APP: variants seen among roughly 807,000 people sequenced by gnomAD.
APP encodes the protein amyloid-beta precursor protein.
APP carries 31 observed loss-of-function variants against 101.4 expected under a neutral mutation model. The observed-to-expected ratio is 0.31, with a 90% CI of 0.23 to 0.41. APP has a LOEUF of 0.41. Ranked by LOEUF, APP falls within the 10% of genes least tolerant of loss-of-function variation. The pLI is 1.00. For synonymous variants in APP, 366 were observed against 364.4 expected, an observed-to-expected ratio of 1.00 and a Z score of -0.05; for missense variants, 839 against 1,003.7, an observed-to-expected ratio of 0.84 and a Z score of 2.22.
At chr21:26,125,627 G>C (rs2062666614) in intron 1 of APP, among the ~76,000 whole-genome samples, 1 of 151,828 alleles carries the variant, frequency 6.6e-6, no homozygotes, top group South Asian at 2.1e-4. Context: ...AAGGTCAACA[G>C]GCATTATTAG....
chr21:25,897,778 A>G, intron 15 of APP, 105 bp from the exon 16 acceptor site: 2 of 904,840 alleles, frequency 2.2e-6, no homozygotes, highest in Non-Finnish European at 3.6e-6. Context: ...CTAGGCCTGA[A>G]GTTAGAAGAA....
chr21:26,135,895 T>G (rs1332731408), intron 1 of APP, among the ~76,000 whole-genome samples: 1 of 151,652 alleles, frequency 6.6e-6, no homozygotes, highest in Non-Finnish European at 1.5e-5. Flanking sequence ...GCACGCTGGG[T>G]GGCCGAGGCA....
intron 10 of APP, 124 bp from the exon 11 acceptor site, chr21:25,975,352 G>T: frequency 1.6e-6 from 2 of 1,251,228 alleles, no homozygotes; most frequent in Non-Finnish European, 2.3e-6. Context: ...CCTAAAGACT[G>T]CATAGTCATT....
chr21:26,103,739 C>G (rs1201395733), intron 2 of APP, among the ~76,000 whole-genome samples: 1 of 152,244 alleles, frequency 6.6e-6, no homozygotes, highest in Non-Finnish European at 1.5e-5. Context: ...GCTCCAATCT[C>G]TGTGCCAGAA....
intron 9 of APP, among the ~76,000 whole-genome samples, chr21:25,980,781 AAG>A (rs1009374221): frequency 1.3e-5 from 2 of 152,204 alleles, no homozygotes; most frequent in Non-Finnish European, 2.9e-5. Flanking sequence ...AGGTGAGGCC[AAG>A]AGGTCAGGAG....
At chr21:26,105,068 CAAAA>C (rs10579923) in intron 2 of APP, among the ~76,000 whole-genome samples, 132 of 110,494 alleles carry the variant, frequency 1.2e-3, no homozygotes, top group East Asian at 2.5e-3. Context: ...GCATTTTTTT[CAAAA>C]AAAAAAAAAA....
At chr21:26,050,096 A>T (rs779762525) in intron 5 of APP, among the ~76,000 whole-genome samples, 1 of 152,180 alleles carries the variant, frequency 6.6e-6, no homozygotes, top group Non-Finnish European at 1.5e-5. Flanking sequence ...TAGCTGATAT[A>T]GACAATAAAC....
intron 5 of APP, among the ~76,000 whole-genome samples, chr21:26,031,543 C>T (rs1166651978): frequency 6.6e-6 from 1 of 152,076 alleles, no homozygotes; most frequent in Non-Finnish European, 1.5e-5. Flanking sequence ...AAAGGCATTT[C>T]TTACATGGTG....
At chr21:26,136,202 A>AAAAAAAGAAAGAAAG (rs2062912057) in intron 1 of APP, among the ~76,000 whole-genome samples, 1 of 100,604 alleles carries the variant, frequency 9.9e-6, no homozygotes, top group Non-Finnish European at 2.0e-5. Flanking sequence ...AGAAAGAAAG[A>AAAAAAAGAAAGAAAG]AAAGAAAAGA....
intron 13 of APP, among the ~76,000 whole-genome samples, chr21:25,933,352 C>G (rs921197945): frequency 3.9e-5 from 6 of 152,186 alleles, no homozygotes; most frequent in Non-Finnish European, 7.3e-5. Flanking sequence ...ATTTTCCCAC[C>G]TCGGCCTTCC....
rs554015576 is a variant in APP, at chr21:25,940,210, C to A, written c.1687+14380G>T. Among the ~76,000 whole-genome samples the A allele has an allele frequency of 1.2e-4, 19 of 152,218 alleles. No individual in the cohort carries two copies. The East Asian group carries it at 3.7e-3, about 29-fold the overall frequency. On this transcript the variant is annotated intron_variant, in intron 13 of 17. Coordinates refer to ENST00000346798, the MANE Select transcript of APP (RefSeq NM_000484.4). ...AGGGGAAACTGAGTCTGTTGCACAT[C>A]ATTTACCCTTTAACATGATTTTAAA...
chr21:25,954,449 G>T, intron 13 of APP, 141 bp downstream of exon 13: 1 of 765,340 alleles, frequency 1.3e-6, no homozygotes, highest in Non-Finnish European at 2.3e-6. Flanking sequence ...TAGTAAGCTA[G>T]TTCCAGCCTG....
chr21:26,051,913 G>GT (rs1360903080), intron 4 of APP, among the ~76,000 whole-genome samples: 3 of 152,132 alleles, frequency 2.0e-5, no homozygotes, highest in African/African-American at 7.2e-5. Context: ...AGTCATTTCC[G>GT]TTTCTTAGAG....
intron 1 of APP, among the ~76,000 whole-genome samples, chr21:26,169,866 A>C (rs1177218075): frequency 1.3e-5 from 2 of 152,140 alleles, no homozygotes; most frequent in African/African-American, 4.8e-5. Context: ...GACCCCTCCC[A>C]TTTCTCGCAA....
chr21:25,998,190 A>G (rs373330625), intron 7 of APP, among the ~76,000 whole-genome samples: 5 of 152,320 alleles, frequency 3.3e-5, no homozygotes, highest in African/African-American at 1.2e-4. Context: ...AAAGGGAGAA[A>G]AAAGTTGCAA....
Position 26,089,966 on chromosome 21 carries a change from A to G in APP, c.332T>C (p.Phe111Ser). ...ACCTAAGCAGCGGTAGGGAATCACA[A>G]AGTGGGGATGGGTCTTGCACTGCTT... Reference protein sequence around the residue: ...GRKQCKTHPHFVIPYRCLVGE... With the variant: ...GRKQCKTHPHSVIPYRCLVGE... The change falls in exon 3 of 18, where the codon TTT becomes TCT. Residue 111 changes from phenylalanine (F) to serine (S), a missense_variant. By Grantham distance (155) the Phe-to-Ser change is radical. Transcript: ENST00000346798. 2 of 1,614,044 alleles carry G rather than the reference A, an allele frequency of 1.2e-6. No homozygotes were observed. The highest frequency in any genetic ancestry group is 1.7e-6 in the Non-Finnish European group (2 of 1,179,972).
intron 1 of APP, among the ~76,000 whole-genome samples, chr21:26,113,102 G>A (rs1260041246): frequency 1.3e-5 from 2 of 152,116 alleles, no homozygotes; most frequent in East Asian, 1.9e-4. Context: ...TATATCCACA[G>A]GAGTAAAGGT....
At chr21:25,991,187 G>C (rs116731459) in intron 8 of APP, among the ~76,000 whole-genome samples, 1 of 151,834 alleles carries the variant, frequency 6.6e-6, no homozygotes, top group Non-Finnish European at 1.5e-5. Context: ...AGGAGGAGAG[G>C]GATAAAAAAC....
chr21:26,151,091 T>C (rs2830093), intron 1 of APP, among the ~76,000 whole-genome samples: 14,291 of 152,226 alleles, frequency 0.094, 898 homozygotes, highest in Admixed American at 0.15. Flanking sequence ...ATTTGTTAAA[T>C]TTGAAGATAA....
Sources: allele counts gnomAD v4.1 joint callset (sites outside exome capture counted in the v4.1 genomes callset), GRCh38; gene constraint gnomAD v4.1.1; transcripts MANE v1.5; gene names NCBI Gene and HGNC (gene_info 2026-07-23, HGNC 2026-07-21).